Variants in DPP10 observed in about 807,000 individuals in gnomAD.
The protein encoded by DPP10 is inactive dipeptidyl peptidase 10.
In DPP10, 33 loss-of-function variants were observed where a neutral mutation model predicts 120.9. The ratio of observed to expected loss-of-function variants is 0.27; its 90% CI spans 0.21 to 0.37. The LOEUF is 0.37. Ranked by LOEUF, DPP10 falls within the 10% of genes least tolerant of loss-of-function variation. The pLI, the probability that DPP10 is intolerant of heterozygous loss-of-function variation, is 1.00. For synonymous variants in DPP10, 337 were observed against 326.1 expected, an observed-to-expected ratio of 1.03 and a Z score of -0.36; for missense variants, 816 against 942.8, an observed-to-expected ratio of 0.87 and a Z score of 1.76.
In DPP10 at chr2:115,818,605, G is replaced by A. The variant is rs931683845; in HGVS notation, c.1950+2876G>A. 2.0e-5 allele frequency among the ~76,000 whole-genome samples: 3 copies of A among 152,210 alleles called. No homozygotes were observed. The South Asian group carries it at 6.2e-4, about 32-fold the overall frequency. ...TCTCATGCAAATGCACAGTGTCAGT[G>A]AAGGGAGCATGTGTGGAGAACATGA... On this transcript the variant is annotated intron_variant, in intron 21 of 25. Coordinates refer to ENST00000410059, the MANE Select transcript of DPP10 (RefSeq NM_020868.6).
intron 5 of DPP10, among the ~76,000 whole-genome samples, chr2:115,644,855 T>TA (rs1159808102): frequency 1.3e-5 from 2 of 152,186 alleles, no homozygotes; most frequent in Admixed American, 6.5e-5. Context: ...TCAGTACCAC[T>TA]AATCTCCATA....
chr2:115,694,297 C>A (rs1037200169), intron 7 of DPP10, among the ~76,000 whole-genome samples: 5 of 152,160 alleles, frequency 3.3e-5, no homozygotes, highest in Admixed American at 3.3e-4. Context: ...AATAAAGAGG[C>A]TTGTAGTGTT....
intron 8 of DPP10, among the ~76,000 whole-genome samples, chr2:115,730,108 C>T (rs1285125081): frequency 6.6e-6 from 1 of 152,142 alleles, no homozygotes; most frequent in African/African-American, 2.4e-5. Context: ...AAGATTGGAT[C>T]TTCCATATGA....
chr2:115,377,791 A>T (rs2065932367), intron 3 of DPP10, among the ~76,000 whole-genome samples: 1 of 151,978 alleles, frequency 6.6e-6, no homozygotes, highest in African/African-American at 2.4e-5. Context: ...TTTTCCCAGC[A>T]CCATTTATTA....
At chr2:114,706,645 C>T (rs901853707) in intron 1 of DPP10, among the ~76,000 whole-genome samples, 2 of 152,180 alleles carry the variant, frequency 1.3e-5, no homozygotes, top group Non-Finnish European at 2.9e-5. Context: ...ACCTTGTGAT[C>T]GTTAACCTAA....
intron 1 of DPP10, among the ~76,000 whole-genome samples, chr2:114,946,614 G>A (rs1697363587): frequency 6.6e-6 from 1 of 152,046 alleles, no homozygotes; most frequent in Admixed American, 6.6e-5. Flanking sequence ...GAGTTTTTGT[G>A]TAAAACCAAT....
rs1203671045 is a variant in DPP10 at position 114,594,079 on chromosome 2, C to T, written c.60+151241C>T. ...TGAGGGCGTTGTCAAAGGAGATTAA[C>T]ATTTGAGTCAGTGGGCTGGGAAAGG... is the stretch of plus-strand genomic sequence containing the variant. On this transcript the variant is annotated intron_variant, in intron 1 of 25. Coordinates refer to ENST00000410059, the MANE Select transcript of DPP10 (RefSeq NM_020868.6). Among the ~76,000 whole-genome samples the T allele has an allele frequency of 2.6e-5, 4 of 152,180 alleles. No individual in the cohort carries two copies. In the East Asian group the frequency reaches 7.7e-4, roughly 29 times the overall value.
chr2:114,594,347 A>G (rs1194605718), intron 1 of DPP10, among the ~76,000 whole-genome samples: 1 of 150,854 alleles, frequency 6.6e-6, no homozygotes, highest in Non-Finnish European at 1.5e-5. Flanking sequence ...ATGTAAGTTA[A>G]TACTTAATAA....
chr2:115,802,041 C>T (rs548135348), intron 19 of DPP10, among the ~76,000 whole-genome samples: 289 of 152,154 alleles, frequency 1.9e-3, no homozygotes, highest in African/African-American at 6.7e-3. Flanking sequence ...TGGTAGAATT[C>T]GGCTGTGAAT....
chr2:115,043,889 T>A (rs1266381373), intron 1 of DPP10, among the ~76,000 whole-genome samples: 3 of 152,118 alleles, frequency 2.0e-5, no homozygotes, highest in African/African-American at 4.8e-5. Flanking sequence ...TTTTAAAAAA[T>A]TTTTCTAATT....
chr2:115,723,603 G>T (rs1009979963), intron 7 of DPP10, among the ~76,000 whole-genome samples: 57 of 130,950 alleles, frequency 4.4e-4, no homozygotes, highest in Middle Eastern at 4.2e-3. Context: ...GTATTTTGTT[G>T]TTGTTGTTGT....
chr2:115,169,697 T>C (rs994492514), intron 1 of DPP10, among the ~76,000 whole-genome samples: 4 of 152,154 alleles, frequency 2.6e-5, no homozygotes, highest in Non-Finnish European at 5.9e-5. Context: ...TATTATTTAG[T>C]TGAAATTTAA....
chr2:115,814,904 T>C lies in DPP10; in HGVS notation c.1812T>C (p.Ser604=). ...VIVARFDGRG[S]GFQGLKILQE... Reference sequence around the variant, plus strand: ...TAGCAAGATTTGATGGCAGAGGAAGTGGATTCCAGGGTCTGAAAATTTTGC... The same window carrying C: ...TAGCAAGATTTGATGGCAGAGGAAGCGGATTCCAGGGTCTGAAAATTTTGC... Residue 604 remains serine, a synonymous_variant, in exon 20 of 26, where the codon AGT becomes AGC. Coordinates refer to ENST00000410059, the MANE Select transcript of DPP10 (RefSeq NM_020868.6). 1 of 1,613,042 alleles carries C rather than the reference T, an allele frequency of 6.2e-7. No homozygotes were observed. The highest frequency in any genetic ancestry group is 8.5e-7 in the Non-Finnish European group (1 of 1,179,266).
chr2:115,464,507 T>TC (rs1263839263), intron 3 of DPP10, among the ~76,000 whole-genome samples: 2 of 152,092 alleles, frequency 1.3e-5, no homozygotes, highest in Non-Finnish European at 1.5e-5. Context: ...AGGTTTTTTT[T>TC]CACCCCTGAG....
chr2:115,559,836 G>GT (rs968621747), intron 5 of DPP10, among the ~76,000 whole-genome samples: 1 of 152,068 alleles, frequency 6.6e-6, no homozygotes, highest in Non-Finnish European at 1.5e-5. Context: ...AAAACTTTAT[G>GT]TTTTTGTGGA....
intron 1 of DPP10, chr2:115,162,077 G>A: frequency 6.7e-7 from 1 of 1,483,888 alleles, no homozygotes; most frequent in East Asian, 2.8e-5. Context: ...GGTGGCTCCA[G>A]TGCGCGCTCC....
At position 114,705,536 on chromosome 2, in the gene DPP10, G is replaced by A. The variant is rs146583873; in HGVS notation, c.60+262698G>A. ...TCTTAATTTACTTTCCTTGATCACC[G>A]TGTCTATTAGTTGCCAAAAGGAAAT... On this transcript the variant is annotated intron_variant, in intron 1 of 25. Coordinates refer to ENST00000410059, the MANE Select transcript of DPP10 (RefSeq NM_020868.6). 7.3e-4 allele frequency among the ~76,000 whole-genome samples: 111 copies of A among 152,034 alleles called. No homozygotes were observed. In the East Asian group the frequency reaches 0.015, roughly 20 times the overall value.
At position 114,675,066 on chromosome 2, in the gene DPP10, C is replaced by G. The variant is rs904294453; in HGVS notation, c.60+232228C>G. Among the ~76,000 whole-genome samples the G allele has an allele frequency of 2.6e-5, 4 of 152,176 alleles. No homozygotes were observed. In the East Asian group the frequency reaches 7.7e-4, roughly 29 times the overall value. ...ATCTTGCAGTATGCCAGCAGTTTTC[C>G]CAACGGCCTGTCTTAATGTTTTGAA... is the stretch of plus-strand genomic sequence containing the variant. On this transcript the variant is annotated intron_variant, in intron 1 of 25. Coordinates refer to ENST00000410059, the MANE Select transcript of DPP10 (RefSeq NM_020868.6).
chr2:114,802,044 GAAGAGTTAAGAAGCTC>G (rs2106285154), intron 1 of DPP10, among the ~76,000 whole-genome samples: 1 of 152,280 alleles, frequency 6.6e-6, no homozygotes, highest in East Asian at 1.9e-4. Context: ...ATTAGACATA[GAAGAGTTAAGAAGCTC>G]AAGAATCAGT....
Sources: allele counts gnomAD v4.1 joint callset (sites outside exome capture counted in the v4.1 genomes callset), GRCh38; gene constraint gnomAD v4.1.1; transcripts MANE v1.5; gene names NCBI Gene and HGNC (gene_info 2026-07-23, HGNC 2026-07-21).